Variants in ZBBX observed in about 807,000 individuals in gnomAD.
ZBBX encodes the protein zinc finger B-box domain containing, also known as zinc finger B-box domain-containing protein 1.
In ZBBX, 101 loss-of-function variants were observed where a neutral mutation model predicts 108.5. The observed-to-expected ratio is 0.93, with a 90% CI of 0.79 to 1.10. The LOEUF (loss-of-function observed/expected upper bound fraction) is 1.10. Among genes scored for constraint, ZBBX ranks in the 50% least tolerant of loss-of-function variants. The pLI is 0.00. For synonymous variants in ZBBX, 356 were observed against 323.4 expected (o/e 1.10, Z -1.08); for missense variants, 1,009 against 941.4 (o/e 1.07, Z -0.94).
intron 16 of ZBBX, among the ~76,000 whole-genome samples, chr3:167,313,151 G>A (rs1734877592): frequency 6.6e-6 from 1 of 152,160 alleles, no homozygotes; most frequent in Admixed American, 6.5e-5. Context: ...ACTTTGCTGT[G>A]ACTGTCTTTA....
At chr3:167,194,071 T>G in the ZBBX span, among the ~76,000 whole-genome samples, 361 of 152,070 alleles carry the variant, frequency 2.4e-3, 3 homozygotes, top group African/African-American at 8.5e-3. Context: ...TGACTAGATT[T>G]TGTAATAATT....
chr3:167,276,895 C>G (rs1727692514), intron 20 of ZBBX, among the ~76,000 whole-genome samples: 1 of 152,118 alleles, frequency 6.6e-6, no homozygotes, highest in African/African-American at 2.4e-5. Context: ...CAGCGGATCT[C>G]TCGGTAGAAA....
downstream of ZBBX, among the ~76,000 whole-genome samples, chr3:167,236,960 C>T (rs1192664521): frequency 1.3e-5 from 2 of 151,754 alleles, no homozygotes; most frequent in African/African-American, 4.8e-5. Context: ...TGAGAAGATA[C>T]ATTTTGAGAC....
chr3:167,386,766 T>A (rs947932672), intron 1 of ZBBX, among the ~76,000 whole-genome samples: 2 of 152,050 alleles, frequency 1.3e-5, no homozygotes, highest in Non-Finnish European at 2.9e-5. Flanking sequence ...TTTCAATAAG[T>A]GTATCATACT....
intron 1 of ZBBX, among the ~76,000 whole-genome samples, chr3:167,386,601 T>G (rs1747930128): frequency 6.6e-6 from 1 of 152,072 alleles, no homozygotes; most frequent in African/African-American, 2.4e-5. Flanking sequence ...TTTAATCACT[T>G]AAGTTTCTTA....
At chr3:167,225,442 C>T in the ZBBX span, among the ~76,000 whole-genome samples, 1 of 151,848 alleles carries the variant, frequency 6.6e-6, no homozygotes, top group Admixed American at 6.6e-5. Context: ...GGCTCCAACA[C>T]ATTGCCTACT....
intron 1 of ZBBX, among the ~76,000 whole-genome samples, chr3:167,397,565 G>T (rs1343047007): frequency 6.6e-6 from 1 of 151,792 alleles, no homozygotes; most frequent in Non-Finnish European, 1.5e-5. Flanking sequence ...GAGTTGTGTT[G>T]ACCAGCAAGA....
intron 20 of ZBBX, among the ~76,000 whole-genome samples, chr3:167,279,323 G>A (rs1454520874): frequency 6.6e-6 from 1 of 151,250 alleles, no homozygotes; most frequent in East Asian, 1.9e-4. Flanking sequence ...GTTTGCAGAC[G>A]ACATGATTGT....
chr3:167,217,620 C>T, the ZBBX span, among the ~76,000 whole-genome samples: 12,545 of 152,076 alleles, frequency 0.082, 715 homozygotes, highest in Middle Eastern at 0.2. Flanking sequence ...GGACATATAC[C>T]CAGAGGAATA....
intron 4 of ZBBX, among the ~76,000 whole-genome samples, 168 bp downstream of exon 4, chr3:167,372,666 C>A (rs574004085): frequency 6.6e-6 from 1 of 152,062 alleles, no homozygotes; most frequent in African/African-American, 2.4e-5. Flanking sequence ...TATTTTTAAT[C>A]CTCATTTTTA....
chr3:167,374,435 T>C (rs1371419925), intron 2 of ZBBX, among the ~76,000 whole-genome samples: 1 of 152,204 alleles, frequency 6.6e-6, no homozygotes, highest in Non-Finnish European at 1.5e-5. Context: ...CATGAACAAC[T>C]ATTAGATTTT....
In ZBBX at chr3:167,310,100, T is replaced by C. The variant is rs1230772185; in HGVS notation, c.1417+3874A>G. On this transcript the variant is annotated intron_variant, in intron 16 of 21. Transcript: ENST00000675490. Reference sequence around the variant, plus strand: ...CTCTGAAGTTCAAATTCCACAGATGTCTAGTTTGAGGAGGGGGCCAAAATG... The same window carrying C: ...CTCTGAAGTTCAAATTCCACAGATGCCTAGTTTGAGGAGGGGGCCAAAATG... Among the ~76,000 whole-genome samples the C allele has an allele frequency of 3.9e-5, 6 of 152,156 alleles. No homozygotes were observed. The East Asian group carries it at 1.2e-3, about 29-fold the overall frequency.
chr3:167,325,232 A>G (rs527609592), intron 11 of ZBBX, among the ~76,000 whole-genome samples: 1 of 152,258 alleles, frequency 6.6e-6, no homozygotes, highest in East Asian at 1.9e-4. Context: ...ATGAAGACAT[A>G]CCCGAGACTG....
chr3:167,215,713 C>T, the ZBBX span, among the ~76,000 whole-genome samples: 3 of 152,082 alleles, frequency 2.0e-5, no homozygotes, highest in Admixed American at 6.6e-5. Flanking sequence ...TCATGAACAT[C>T]GATGCAAAAA....
chr3:167,317,793 C>G (rs1576983128), intron 12 of ZBBX, among the ~76,000 whole-genome samples, 196 bp from the exon 13 acceptor site: 2 of 152,004 alleles, frequency 1.3e-5, no homozygotes, highest in East Asian at 3.9e-4. Flanking sequence ...TGTAAATCAA[C>G]TTGACATCAC....
chr3:167,187,577 A>G, the ZBBX span, among the ~76,000 whole-genome samples: 1 of 152,222 alleles, frequency 6.6e-6, no homozygotes, highest in South Asian at 2.1e-4. Flanking sequence ...CCATTGTCAC[A>G]CTAAATTCCC....
At chr3:167,354,124 CA>C (rs1275490820) in intron 8 of ZBBX, among the ~76,000 whole-genome samples, 2 of 152,086 alleles carry the variant, frequency 1.3e-5, no homozygotes, top group Admixed American at 1.3e-4. Flanking sequence ...TCATCTAACA[CA>C]AACCTATTTT....
At chr3:167,277,512 A>T (rs1287029476) in intron 20 of ZBBX, among the ~76,000 whole-genome samples, 1 of 152,180 alleles carries the variant, frequency 6.6e-6, no homozygotes, top group African/African-American at 2.4e-5. Context: ...AGGCCATTAC[A>T]TAATGGTAAA....
At chr3:167,358,565 G>C (rs543097270) in intron 8 of ZBBX, among the ~76,000 whole-genome samples, 113 of 152,116 alleles carry the variant, frequency 7.4e-4, no homozygotes, top group African/African-American at 2.5e-3. Flanking sequence ...TCATGAAATT[G>C]GTACCAATGA....
Sources: allele counts gnomAD v4.1 joint callset (sites outside exome capture counted in the v4.1 genomes callset), GRCh38; gene constraint gnomAD v4.1.1; transcripts MANE v1.5; gene names NCBI Gene and HGNC (gene_info 2026-07-23, HGNC 2026-07-21).